Variants in ENDOU observed in about 807,000 individuals in gnomAD.
The protein encoded by ENDOU is endonuclease, poly(U) specific, also known as uridylate-specific endoribonuclease.
In ENDOU, 49 loss-of-function variants were observed where a neutral mutation model predicts 54.2. The ratio of observed to expected loss-of-function variants is 0.90; its 90% CI spans 0.72 to 1.15. The LOEUF (loss-of-function observed/expected upper bound fraction) is 1.15. Among genes scored for constraint, ENDOU ranks in the 50% most tolerant of loss-of-function variants. The probability of loss-of-function intolerance (pLI) is 0.00; values close to 1 mark genes in which losing one functional copy is unlikely to be tolerated. For missense variants in ENDOU, 458 were observed against 511.4 expected (o/e 0.90, Z 1.01); for synonymous variants, 172 against 190.5 (o/e 0.90, Z 0.80).
At chr12:47,714,496 C>T (rs760011856) in intron 6 of ENDOU, among the ~76,000 whole-genome samples, 2 of 152,160 alleles carry the variant, frequency 1.3e-5, no homozygotes, top group African/African-American at 2.4e-5. Context: ...GTGTTAACTC[C>T]GGAGGAGGAG....
At chr12:47,719,871 A>C (rs1940377336) in intron 2 of ENDOU, 1 of 152,204 alleles carries the variant, frequency 6.6e-6, no homozygotes, top group African/African-American at 2.4e-5. Flanking sequence ...CTTTGGGCAA[A>C]TTCAGAAAAC....
In ENDOU at chr12:47,709,980, A is replaced by G. The variant is rs1939924795; in HGVS notation, c.*822T>C. 6.7e-6 allele frequency: 1 copy of G among 149,988 alleles called. No individual in the cohort carries two copies. Among genetic ancestry groups the G allele is most frequent in the Admixed American group, 6.7e-5 (1 of 14,876 alleles). 9.3% of individuals were successfully genotyped at this position (149,988 alleles called of 1,614,324 possible). ...GGGTTCCTTCTTCTTCTGATGCTGAATCATCCTCCTATGAGGAGAACTCTT... is the reference window on the plus strand; with the variant it reads ...GGGTTCCTTCTTCTTCTGATGCTGAGTCATCCTCCTATGAGGAGAACTCTT... On this transcript the variant is annotated 3_prime_UTR_variant, in exon 10 of 10. Transcript: ENST00000422538.
At chr12:47,712,725 C>T in intron 7 of ENDOU, 103 bp from the exon 8 acceptor site, 1 of 827,458 alleles carries the variant, frequency 1.2e-6, no homozygotes, top group Non-Finnish European at 2.0e-6. Flanking sequence ...TCTCCAGTCT[C>T]TGACTTCTAG....
At chr12:47,721,860 A>C (rs117552453) in intron 1 of ENDOU, among the ~76,000 whole-genome samples, 1 of 152,240 alleles carries the variant, frequency 6.6e-6, no homozygotes, top group Non-Finnish European at 1.5e-5. Context: ...TTCAGAGGTC[A>C]TACTGTGGGT....
At chr12:47,720,939 T>C (rs1337626365) in intron 1 of ENDOU, 64 bp from the exon 2 acceptor site, 1 of 1,504,448 alleles carries the variant, frequency 6.6e-7, no homozygotes, top group Non-Finnish European at 8.9e-7. Flanking sequence ...GGGTGCCTCC[T>C]GCAGGAGGGT....
At chr12:47,713,519 G>A (rs868290874) in intron 6 of ENDOU, 131 bp from the exon 7 acceptor site, 27 of 652,862 alleles carry the variant, frequency 4.1e-5, no homozygotes, top group Admixed American at 2.5e-4. Context: ...AAATGTGTTC[G>A]GCTGTTAATT....
chr12:47,716,029 A>G (rs1056695407), intron 6 of ENDOU, among the ~76,000 whole-genome samples: 3 of 152,172 alleles, frequency 2.0e-5, no homozygotes, highest in African/African-American at 7.2e-5. Context: ...AGACTGTAGC[A>G]GAGGGTGGGC....
rs1175151925 is a variant in ENDOU, at chr12:47,712,609, T to C, written c.879A>G (p.Lys293=). The C allele has an allele frequency of 6.2e-7, 1 of 1,611,894 alleles. No individual in the cohort carries two copies. Among genetic ancestry groups the C allele is most frequent in the African/African-American group, 1.3e-5 (1 of 74,846 alleles). The change falls in exon 8 of 10, where the codon AAA becomes AAG. Residue 293 remains lysine, a synonymous_variant. Transcript: ENST00000422538. Reference sequence around the variant, plus strand: ...AGTTATGGAAGCCAGTAACCTTGCCTTTTTTTACCTCACCTATAATAAAGA... The same window carrying C: ...AGTTATGGAAGCCAGTAACCTTGCCCTTTTTTACCTCACCTATAATAAAGA... ...FEHVFSGEVK[K]GKVTGFHNWI...
intron 8 of ENDOU, 67 bp from the exon 9 acceptor site, chr12:47,711,842 A>G (rs1189592885): frequency 1.8e-5 from 28 of 1,557,842 alleles, no homozygotes; most frequent in East Asian, 2.3e-5. Flanking sequence ...CGGGTGCCCA[A>G]TGGCAACAGT....
chr12:47,720,863 G>T lies in ENDOU; in HGVS notation c.68C>A (p.Ser23Tyr). ...TTTCTCATTACATCGAGATGCACAGGATTCTATTTTTCCTATGGGCAGTAA... is the reference window on the plus strand; with the variant it reads ...TTTCTCATTACATCGAGATGCACAGTATTCTATTTTTCCTATGGGCAGTAA... Reference protein sequence around the residue: ...CGLAWAGKIESCASRCNEKFN... With the variant: ...CGLAWAGKIEYCASRCNEKFN... The change falls in exon 2 of 10, where the codon TCC becomes TAC. Residue 23 changes from serine (S) to tyrosine (Y), a missense_variant. Ser to Tyr is a moderately radical substitution (Grantham distance 144). Transcript: ENST00000422538. The T allele has an allele frequency of 3.9e-6, 6 of 1,536,064 alleles. No homozygotes were observed. Among genetic ancestry groups the T allele is most frequent in the Non-Finnish European group, 2.6e-6 (3 of 1,146,890 alleles).
intron 1 of ENDOU, among the ~76,000 whole-genome samples, chr12:47,724,766 A>G (rs2136696672): frequency 6.6e-6 from 1 of 152,246 alleles, no homozygotes; most frequent in East Asian, 1.9e-4. Context: ...ACTGTGGGCC[A>G]GGTCCCTTCT....
intron 2 of ENDOU, 134 bp from the exon 3 acceptor site, chr12:47,718,328 T>C (rs1312051593): frequency 1.3e-5 from 9 of 674,640 alleles, no homozygotes; most frequent in Non-Finnish European, 2.3e-5. Flanking sequence ...GGGGCTGGGG[T>C]CCAATGGACA....
chr12:47,714,090 T>C (rs1161106733), intron 6 of ENDOU, among the ~76,000 whole-genome samples: 1 of 152,262 alleles, frequency 6.6e-6, no homozygotes, highest in African/African-American at 2.4e-5. Context: ...GTCCACCTAG[T>C]GCCTGCCATT....
rs751242961 is a variant in ENDOU, at chr12:47,712,656, C to A, written c.866-34G>T. 4.0e-6 allele frequency: 6 copies of A among 1,505,664 alleles called. No homozygotes were observed. The South Asian group carries it at 6.9e-5, about 17-fold the overall frequency. 93.3% of individuals were successfully genotyped at this position (1,505,664 alleles called of 1,614,324 possible). On this transcript the variant is annotated intron_variant, in intron 7 of 9. Coordinates refer to ENST00000422538, the MANE Select transcript of ENDOU (RefSeq NM_001172439.2). ...AAGAGTCCAAGATGGATAATCTGGG[C>A]TCCTTCCCCACCCTCCCCTCCAATC...
At position 47,716,986 on chromosome 12, in the gene ENDOU, T is replaced by C. The variant is rs1940267712; in HGVS notation, c.455A>G (p.Asp152Gly). The C allele has an allele frequency of 3.1e-6, 5 of 1,613,970 alleles. No individual in the cohort carries two copies. Residue 152 changes from aspartate to glycine, a missense_variant, in exon 5 of 10, where the codon GAC becomes GGC. Coordinates refer to ENST00000422538, the MANE Select transcript of ENDOU (RefSeq NM_001172439.2). ...QSISEKIYRADTNKAQKEDIV... is the reference protein window; with the variant it reads ...QSISEKIYRAGTNKAQKEDIV... ...GTCTTCCTTCTGGGCTTTGTTGGTG[T>C]CTGCCCTGTAGATCTTCTCAGAGAT...
At chr12:47,715,824 C>G (rs1940205732) in intron 6 of ENDOU, among the ~76,000 whole-genome samples, 1 of 152,244 alleles carries the variant, frequency 6.6e-6, no homozygotes, top group Non-Finnish European at 1.5e-5. Context: ...TGTTGATTCT[C>G]TGATGTTGTT....
At chr12:47,723,556 G>C (rs1715297792) in intron 1 of ENDOU, among the ~76,000 whole-genome samples, 1 of 151,992 alleles carries the variant, frequency 6.6e-6, no homozygotes, top group South Asian at 2.1e-4. Context: ...CCTCTCTCGG[G>C]TTCAGATTCT....
At chr12:47,712,220 G>A (rs952320282) in intron 8 of ENDOU, among the ~76,000 whole-genome samples, 3 of 152,218 alleles carry the variant, frequency 2.0e-5, no homozygotes, top group Non-Finnish European at 2.9e-5. Context: ...GAGGCAGGGA[G>A]TAATTACATA....
intron 1 of ENDOU, 108 bp downstream of exon 1, chr12:47,725,251 C>T: frequency 8.1e-7 from 1 of 1,240,084 alleles, no homozygotes; most frequent in Non-Finnish European, 1.2e-6. Context: ...CAGAGCTCAC[C>T]CTCCCTTGTC....
Sources: allele counts gnomAD v4.1 joint callset (sites outside exome capture counted in the v4.1 genomes callset), GRCh38; gene constraint gnomAD v4.1.1; transcripts MANE v1.5; gene names NCBI Gene and HGNC (gene_info 2026-07-23, HGNC 2026-07-21).